PHACTR3: variants seen among roughly 807,000 people sequenced by gnomAD.
The protein encoded by PHACTR3 is phosphatase and actin regulator 3, also known as protein phosphatase 1, regulatory subunit 123.
A neutral mutation model predicts 66.8 loss-of-function variants in PHACTR3; 16 were observed. That is an observed-to-expected ratio of 0.24 (90% CI 0.16 to 0.36). PHACTR3 has a LOEUF of 0.36. Among genes scored for constraint, PHACTR3 ranks in the 10% least tolerant of loss-of-function variants. PHACTR3 has a pLI of 1.00. For missense variants in PHACTR3, 647 were observed against 719.9 expected, an observed-to-expected ratio of 0.90 and a Z score of 1.16; for synonymous variants, 323 against 292.1, an observed-to-expected ratio of 1.11 and a Z score of -1.08.
chr20:59,616,597 A>G (rs542559333), intron 1 of PHACTR3, among the ~76,000 whole-genome samples: 9 of 152,296 alleles, frequency 5.9e-5, no homozygotes, highest in African/African-American at 2.2e-4. Context: ...GAGTTGGGTA[A>G]AAGACCCAGG....
At chr20:59,811,160 G>A (rs369793610) in intron 8 of PHACTR3, among the ~76,000 whole-genome samples, 155 of 152,352 alleles carry the variant, frequency 1.0e-3, no homozygotes, top group African/African-American at 3.5e-3. Context: ...AGAAGCTGCC[G>A]TGCAGTGAGA....
intron 1 of PHACTR3, among the ~76,000 whole-genome samples, chr20:59,635,732 G>A (rs563453304): frequency 3.9e-5 from 6 of 152,338 alleles, no homozygotes; most frequent in East Asian, 3.9e-4. Flanking sequence ...TGTATGGCGC[G>A]TAAGAGGGGA....
intron 1 of PHACTR3, among the ~76,000 whole-genome samples, chr20:59,636,081 A>G (rs1333252940): frequency 1.3e-5 from 2 of 152,176 alleles, no homozygotes; most frequent in African/African-American, 2.4e-5. Flanking sequence ...CCTTGTGCCA[A>G]TCTGCTGGCG....
intron 8 of PHACTR3, among the ~76,000 whole-genome samples, chr20:59,819,903 A>C (rs1374705264): frequency 6.6e-6 from 1 of 152,258 alleles, no homozygotes; most frequent in Non-Finnish European, 1.5e-5. Context: ...GGGCTCTGCC[A>C]TCTATAGCCT....
At chr20:59,783,981 C>G (rs183092006) in intron 7 of PHACTR3, among the ~76,000 whole-genome samples, 88 of 152,348 alleles carry the variant, frequency 5.8e-4, no homozygotes, top group African/African-American at 1.5e-3. Flanking sequence ...GGGTGAAGGT[C>G]AATCTTGTGT....
chr20:59,719,755 C>T (rs1343288645), intron 1 of PHACTR3, among the ~76,000 whole-genome samples: 1 of 152,158 alleles, frequency 6.6e-6, no homozygotes, highest in African/African-American at 2.4e-5. Context: ...TTTAGTGACC[C>T]CTTCTTCTTC....
At chr20:59,622,635 C>T (rs901908435) in intron 1 of PHACTR3, among the ~76,000 whole-genome samples, 3 of 152,204 alleles carry the variant, frequency 2.0e-5, no homozygotes, top group South Asian at 2.1e-4. Flanking sequence ...GAGACTGCCC[C>T]GGCACCTCGC....
rs545276951 is a variant in PHACTR3, at chr20:59,841,626, A to G, written c.1587+91A>G. Reference sequence around the variant, plus strand: ...AGGGAGTTTATTCATAGACAATGGGAGCCCTCAACTATTTAAGGGTATACT... The same window carrying G: ...AGGGAGTTTATTCATAGACAATGGGGGCCCTCAACTATTTAAGGGTATACT... On this transcript the variant is annotated intron_variant, in intron 11 of 12. Transcript: ENST00000371015. 7.1e-5 allele frequency: 97 copies of G among 1,365,416 alleles called. 1 individual carries two copies. In the South Asian group the frequency reaches 1.3e-3, roughly 19 times the overall value. 84.6% of individuals were successfully genotyped at this position (1,365,416 alleles called of 1,614,324 possible).
At chr20:59,579,320 A>G (rs1475517514) in intron 1 of PHACTR3, among the ~76,000 whole-genome samples, 1 of 152,224 alleles carries the variant, frequency 6.6e-6, no homozygotes, top group Non-Finnish European at 1.5e-5. Flanking sequence ...GGGCTCAGCC[A>G]CTGCTGACCC....
At chr20:59,680,383 T>C (rs970901671) in intron 1 of PHACTR3, among the ~76,000 whole-genome samples, 1 of 151,954 alleles carries the variant, frequency 6.6e-6, no homozygotes, top group African/African-American at 2.4e-5. Context: ...TGCCTTAATG[T>C]TCAGAAACGG....
At chr20:59,702,728 C>A (rs1474086443) in intron 1 of PHACTR3, among the ~76,000 whole-genome samples, 3 of 152,226 alleles carry the variant, frequency 2.0e-5, no homozygotes, top group African/African-American at 7.2e-5. Context: ...ATTGATTAGT[C>A]TGACTACTCC....
At chr20:59,798,491 G>A (rs571014733) in intron 7 of PHACTR3, among the ~76,000 whole-genome samples, 16 of 152,278 alleles carry the variant, frequency 1.1e-4, no homozygotes, top group Admixed American at 9.2e-4. Flanking sequence ...AGACTGCAGT[G>A]TGTATGTGCA....
At chr20:59,668,996 C>A (rs901345749) in intron 1 of PHACTR3, among the ~76,000 whole-genome samples, 1 of 152,034 alleles carries the variant, frequency 6.6e-6, no homozygotes, top group African/African-American at 2.4e-5. Flanking sequence ...GATCCTCCCA[C>A]CTTGGCCTCC....
At chr20:59,653,948 C>G (rs6100539) in intron 1 of PHACTR3, among the ~76,000 whole-genome samples, 2 of 152,160 alleles carry the variant, frequency 1.3e-5, no homozygotes, top group Non-Finnish European at 2.9e-5. Flanking sequence ...AGCAGAGTTC[C>G]TTGGAGAAGT....
rs113756345 is a variant in PHACTR3 at position 59,829,542 on chromosome 20, C to A, written c.1329-6963C>A. ...GGGGCAAGCAGACGAGACATCTGCC[C>A]CATTCACCATCAGATGTCTGAGGAT... On this transcript the variant is annotated intron_variant, in intron 8 of 12. Transcript: ENST00000371015. This position sits in a 1 kb window ranked among gnomAD's most constrained non-coding sequence, Gnocchi z 4.2. Among the ~76,000 whole-genome samples, 85 of 152,352 alleles carry A rather than the reference C, an allele frequency of 5.6e-4. No homozygotes were observed. The highest frequency in any genetic ancestry group is 2.0e-3 in the African/African-American group (82 of 41,580).
intron 7 of PHACTR3, among the ~76,000 whole-genome samples, chr20:59,798,745 TTACC>T (rs1051025776): frequency 2.0e-5 from 3 of 152,226 alleles, no homozygotes; most frequent in African/African-American, 7.2e-5. Context: ...GTGTGTTCCC[TTACC>T]ATCTCTTTTT....
chr20:59,681,754 T>G (rs2036658060), intron 1 of PHACTR3, among the ~76,000 whole-genome samples: 1 of 152,246 alleles, frequency 6.6e-6, no homozygotes, highest in Non-Finnish European at 1.5e-5. Context: ...CTCACCCCTG[T>G]AATCTCAGCT....
chr20:59,581,651 G>A (rs567743875), intron 1 of PHACTR3, among the ~76,000 whole-genome samples: 1 of 152,228 alleles, frequency 6.6e-6, no homozygotes, highest in African/African-American at 2.4e-5. Flanking sequence ...GGAGGCTGAG[G>A]CCAGCAGATC....
intron 5 of PHACTR3, among the ~76,000 whole-genome samples, chr20:59,772,630 G>A (rs1450033731): frequency 6.6e-6 from 1 of 152,216 alleles, no homozygotes; most frequent in Admixed American, 6.5e-5. Flanking sequence ...TTCACATGCT[G>A]GAGTGAAGAG....
Sources: allele counts gnomAD v4.1 joint callset (sites outside exome capture counted in the v4.1 genomes callset), GRCh38; gene constraint gnomAD v4.1.1; non-coding constraint Gnocchi (gnomAD v3.1); transcripts MANE v1.5; gene names NCBI Gene and HGNC (gene_info 2026-07-23, HGNC 2026-07-21).